AKAP12: variants seen among roughly 807,000 people sequenced by gnomAD.
The protein encoded by AKAP12 is A-kinase anchoring protein 12, also known as A-kinase anchor protein 12.
AKAP12 carries 32 observed loss-of-function variants against 79.9 expected under a neutral mutation model. The observed-to-expected ratio is 0.40, with a 90% CI of 0.30 to 0.54. The LOEUF is 0.54. Ranked by LOEUF, AKAP12 falls within the 20% of genes least tolerant of loss-of-function variation. The pLI, the probability that AKAP12 is intolerant of heterozygous loss-of-function variation, is 0.48. For synonymous variants in AKAP12, 808 were observed against 857.0 expected (o/e 0.94, Z 1.00); for missense variants, 2,074 against 2,177.0 (o/e 0.95, Z 0.94).
chr6:151,337,512 G>GGAAAA (rs1554331932), intron 3 of AKAP12, among the ~76,000 whole-genome samples: 8 of 101,854 alleles, frequency 7.9e-5, no homozygotes, highest in Admixed American at 7.3e-4. Context: ...TTTCCGTCTC[G>GGAAAA]AAAAAAAAAA....
chr6:151,284,414 C>T (rs1200142213), intron 2 of AKAP12, among the ~76,000 whole-genome samples: 1 of 152,038 alleles, frequency 6.6e-6, no homozygotes, highest in East Asian at 1.9e-4. Flanking sequence ...TCGCTTGAGC[C>T]CAGGAGTTTG....
Position 151,352,432 on chromosome 6 carries a change from A to G in AKAP12, c.4041A>G (p.Glu1347=). 1.2e-6 allele frequency: 2 copies of G among 1,614,198 alleles called. No individual in the cohort carries two copies. The highest frequency in any genetic ancestry group is 1.7e-6 in the Non-Finnish European group (2 of 1,180,028). ...TTCAAGTCGAAAGGGAGAAAACAGA[A>G]GCAGAGCCAACCCATGTGAATGAAG... ...MVVQVEREKT[E]AEPTHVNEEK... Residue 1347 remains glutamate (E), a synonymous_variant, in exon 4 of 5, where the codon GAA becomes GAG. Transcript: ENST00000402676.
intron 2 of AKAP12, among the ~76,000 whole-genome samples, chr6:151,296,608 C>T (rs537654031): frequency 5.3e-5 from 8 of 152,134 alleles, no homozygotes; most frequent in Non-Finnish European, 8.8e-5. Context: ...GAAACCACAT[C>T]TTTACTAAAA....
At chr6:151,245,608 GC>G (rs1436726672) in intron 2 of AKAP12, among the ~76,000 whole-genome samples, 3 of 24,104 alleles carry the variant, frequency 1.2e-4, no homozygotes, top group African/African-American at 4.4e-4. Flanking sequence ...TGGCACCACT[GC>G]AGTCACCACT....
chr6:151,348,680 T>TTTCCCA, intron 3 of AKAP12, 31 bp from the exon 4 acceptor site: 2 of 355,200 alleles, frequency 5.6e-6, no homozygotes, highest in East Asian at 5.8e-5. Context: ...TTTTCTCTTC[T>TTTCCCA]CCCCACCCCC....
At chr6:151,259,500 GTATATA>G (rs748597733) in intron 2 of AKAP12, among the ~76,000 whole-genome samples, 216 of 118,230 alleles carry the variant, frequency 1.8e-3, no homozygotes, top group South Asian at 4.4e-3. Flanking sequence ...ACATATACAT[GTATATA>G]TATATACACA....
intron 2 of AKAP12, among the ~76,000 whole-genome samples, chr6:151,297,303 G>A (rs978158332): frequency 8.6e-5 from 13 of 151,916 alleles, no homozygotes; most frequent in African/African-American, 2.4e-4. Context: ...TGGGCTGGGC[G>A]CAGTGGCTCA....
chr6:151,350,767 CACT>C lies in AKAP12; in HGVS notation c.2377_2379del (p.Thr793del). The C allele has an allele frequency of 2.5e-6, 4 of 1,613,878 alleles. No homozygotes were observed. Among genetic ancestry groups the C allele is most frequent in the African/African-American group, 1.3e-5 (1 of 74,970 alleles). ...TAGCTGGGTCTGGTGTAGAACATTC[CACT>C]CCAGACACTGAACCCGGTAAAGAAG... is the stretch of plus-strand genomic sequence containing the variant. On this transcript the variant is annotated inframe_deletion, in exon 4 of 5. Transcript: ENST00000402676. This position sits in a 1 kb window ranked among gnomAD's most constrained non-coding sequence, Gnocchi z 4.8.
At position 151,332,033 on chromosome 6, in the gene AKAP12, G is replaced by GTTGTTTTT. The variant is rs1303327962; in HGVS notation, c.320-16676_320-16675insGTTTTTTT. Among the ~76,000 whole-genome samples the GTTGTTTTT allele has an allele frequency of 3.8e-4, 30 of 79,670 alleles. 1 individual carries two copies. Among genetic ancestry groups the GTTGTTTTT allele is most frequent in the South Asian group, 1.7e-3 (3 of 1,780 alleles). The allele number at this position is 79,670 out of a possible 152,430, so 52.3% of individuals were successfully genotyped here. A position where few individuals can be genotyped will look rare whatever the true frequency, so the allele number is the denominator to read the frequency against. On this transcript the variant is annotated intron_variant, in intron 3 of 4. Transcript: ENST00000402676. ...GAGTAGCACGTCCAGTTCTGGGTCT[G>GTTGTTTTT]TTTTTTTTTTTTTTTTTTTTTGAGA...
chr6:151,333,097 AGCCAGTCG>A (rs1777718765), intron 3 of AKAP12, among the ~76,000 whole-genome samples: 1 of 152,168 alleles, frequency 6.6e-6, no homozygotes, highest in Non-Finnish European at 1.5e-5. Context: ...TCCTCTTTGT[AGCCAGTCG>A]GACAAATCTA....
rs532101370 is a variant in AKAP12, at chr6:151,295,783, A to G, written c.163-9964A>G. Among the ~76,000 whole-genome samples, 12 of 152,326 alleles carry G rather than the reference A, an allele frequency of 7.9e-5. No individual in the cohort carries two copies. The South Asian group carries it at 2.5e-3, about 32-fold the overall frequency. On this transcript the variant is annotated intron_variant, in intron 2 of 4. Coordinates refer to ENST00000402676, the MANE Select transcript of AKAP12 (RefSeq NM_005100.4). Reference sequence around the variant, plus strand: ...TGATGTAGCGTAGGCTGTAAACCCCATCTTGGAATAAAGACCTGCAGGATA... The same window carrying G: ...TGATGTAGCGTAGGCTGTAAACCCCGTCTTGGAATAAAGACCTGCAGGATA...
At position 151,240,587 on chromosome 6, in the gene AKAP12, C is replaced by G. The variant is rs1310186926; in HGVS notation, c.25C>G (p.Gln9Glu). 17 of 1,437,426 alleles carry G rather than the reference C, an allele frequency of 1.2e-5. No homozygotes were observed. The highest frequency in any genetic ancestry group is 1.5e-5 in the African/African-American group (1 of 67,124). 89.0% of individuals were successfully genotyped at this position (1,437,426 alleles called of 1,614,324 possible). A position where few individuals can be genotyped will look rare whatever the true frequency, so the allele number is the denominator to read the frequency against. ...CATGGGCGCCGGGAGCTCCACCGAG[C>G]AGCGCAGCCCGGAGCAGCCGCCCGA... Reference protein sequence around the residue: MGAGSSTEQRSPEQPPEGS... With the variant: MGAGSSTEERSPEQPPEGS... The change falls in exon 2 of 5, where the codon CAG (glutamine) becomes GAG (glutamate). Residue 9 changes from glutamine to glutamate, a missense_variant. Physicochemically the swap from Gln to Glu is conservative, Grantham distance 29 (BLOSUM62 2). Transcript: ENST00000402676.
chr6:151,251,680 TAAC>T (rs1011065723), intron 2 of AKAP12, among the ~76,000 whole-genome samples: 31 of 152,134 alleles, frequency 2.0e-4, no homozygotes, highest in African/African-American at 6.8e-4. Context: ...CACTTGATAA[TAAC>T]AACTTGGGAC....
intron 2 of AKAP12, among the ~76,000 whole-genome samples, chr6:151,260,768 C>T (rs1327400948): frequency 3.4e-5 from 5 of 149,226 alleles, no homozygotes; most frequent in Non-Finnish European, 4.4e-5. Context: ...CCCCAGTGGG[C>T]GGATCACCTG....
At chr6:151,264,368 TAAAA>T (rs11324571) in intron 2 of AKAP12, among the ~76,000 whole-genome samples, 5 of 104,706 alleles carry the variant, frequency 4.8e-5, no homozygotes, top group Admixed American at 2.1e-4. Context: ...CCCCACCTCT[TAAAA>T]AAAAAAAAAA....
At chr6:151,303,139 G>A (rs1776897166) in intron 2 of AKAP12, among the ~76,000 whole-genome samples, 1 of 152,160 alleles carries the variant, frequency 6.6e-6, no homozygotes, top group Non-Finnish European at 1.5e-5. Flanking sequence ...GTTGCAGTGA[G>A]CCAAGATCAT....
chr6:151,312,648 C>G (rs535280513), intron 3 of AKAP12, among the ~76,000 whole-genome samples: 1 of 151,864 alleles, frequency 6.6e-6, no homozygotes, highest in South Asian at 2.1e-4. Flanking sequence ...AAAAATTAGC[C>G]GGGCGTGGTG....
chr6:151,304,923 G>A (rs1357037308), intron 2 of AKAP12, among the ~76,000 whole-genome samples: 1 of 152,146 alleles, frequency 6.6e-6, no homozygotes, highest in Non-Finnish European at 1.5e-5. Context: ...GCATCCTATG[G>A]GGAGGATTGC....
In AKAP12 at chr6:151,338,474, G is replaced by A. The variant is rs537239820; in HGVS notation, c.320-10237G>A. On this transcript the variant is annotated intron_variant, in intron 3 of 4. Coordinates refer to ENST00000402676, the MANE Select transcript of AKAP12 (RefSeq NM_005100.4). ...TTACTCATTTTTTTTTTTTTTCCCC[G>A]AGATGGAGTCTTGCTCTGTTGCCCA... 2.5e-4 allele frequency among the ~76,000 whole-genome samples: 36 copies of A among 143,396 alleles called. 1 individual carries two copies. The South Asian group carries it at 6.1e-3, about 24-fold the overall frequency. The allele number at this position is 143,396 out of a possible 152,430, so 94.1% of individuals were successfully genotyped here. A position where few individuals can be genotyped will look rare whatever the true frequency, so the allele number is the denominator to read the frequency against.
Sources: gnomAD v4.1 joint callset for allele counts (sites outside exome capture counted in the v4.1 genomes callset) on GRCh38, gnomAD v4.1.1 for gene constraint, Gnocchi (gnomAD v3.1) non-coding constraint, MANE v1.5 for transcripts, NCBI Gene and HGNC (gene_info 2026-07-23, HGNC 2026-07-21) for gene names.